THSD7A: variants seen among roughly 807,000 people sequenced by gnomAD.
The protein encoded by THSD7A is thrombospondin type 1 domain containing 7A.
A neutral mutation model predicts 231.3 loss-of-function variants in THSD7A; 96 were observed. That is an observed-to-expected ratio of 0.41 (90% CI 0.35 to 0.49). The LOEUF (loss-of-function observed/expected upper bound fraction) is 0.49, where lower values mean the gene tolerates loss of function less well. Ranked by LOEUF, THSD7A falls within the 20% of genes least tolerant of loss-of-function variation. The probability of loss-of-function intolerance (pLI) is 0.05; values close to 1 mark genes in which losing one functional copy is unlikely to be tolerated. For synonymous variants in THSD7A, 940 were observed against 743.3 expected, an observed-to-expected ratio of 1.26 and a Z score of -4.30; for missense variants, 2,290 against 2,070.2, an observed-to-expected ratio of 1.11 and a Z score of -2.06.
In THSD7A at chr7:11,473,497, G is replaced by A. The variant is rs138829354; in HGVS notation, c.2252+837C>T. 5.4e-4 allele frequency among the ~76,000 whole-genome samples: 82 copies of A among 152,152 alleles called. No individual in the cohort carries two copies. The South Asian group carries it at 8.7e-3, about 16-fold the overall frequency. ...CCACTTTTAAACCCATGCAAAAATC[G>A]ACTCATTTATCATTTCATATCTTAC... is the stretch of plus-strand genomic sequence containing the variant. On this transcript the variant is annotated intron_variant, in intron 8 of 27. Coordinates refer to ENST00000423059, the MANE Select transcript of THSD7A (RefSeq NM_015204.3).
At chr7:11,531,795 G>C (rs923051981) in intron 6 of THSD7A, among the ~76,000 whole-genome samples, 1 of 152,164 alleles carries the variant, frequency 6.6e-6, no homozygotes, top group African/African-American at 2.4e-5. Context: ...TGGCACTTCC[G>C]GGTATAGCTC....
At chr7:11,498,846 A>G (rs1235697431) in intron 6 of THSD7A, among the ~76,000 whole-genome samples, 1 of 152,110 alleles carries the variant, frequency 6.6e-6, no homozygotes, top group South Asian at 2.1e-4. Context: ...ATCCGAGGTG[A>G]CTAGGGACTG....
intron 2 of THSD7A, among the ~76,000 whole-genome samples, chr7:11,633,363 C>T (rs1484185270): frequency 6.6e-6 from 1 of 152,152 alleles, no homozygotes; most frequent in Non-Finnish European, 1.5e-5. Context: ...TTTAATCCCT[C>T]AGTCTGTCAA....
rs1786444994 is a variant in THSD7A at position 11,481,964 on chromosome 7, T to C, written c.1841A>G (p.Gln614Arg). The C allele has an allele frequency of 1.2e-6, 2 of 1,600,276 alleles. No individual in the cohort carries two copies. The highest frequency in any genetic ancestry group is 1.7e-6 in the Non-Finnish European group (2 of 1,172,322). Residue 614 changes from glutamine to arginine, a missense_variant, in exon 7 of 28, where the codon CAG becomes CGG. Transcript: ENST00000423059. ...GGGGAAGATGGCATCTCTGCACAGC[T>C]GTCTGTCAACTTCTTCTCCTGGGGA... ...INSDGEEVDR[Q>R]LCRDAIFPIP...
At chr7:11,600,409 C>A (rs1780509411) in intron 2 of THSD7A, among the ~76,000 whole-genome samples, 1 of 151,826 alleles carries the variant, frequency 6.6e-6, no homozygotes, top group African/African-American at 2.4e-5. Context: ...CTAAATATAC[C>A]TTTAATATTT....
In THSD7A at chr7:11,590,587, A is replaced by G. The variant is rs1168215358; in HGVS notation, c.1326T>C (p.Ser442=). The G allele has an allele frequency of 6.2e-7, 1 of 1,613,752 alleles. No individual in the cohort carries two copies. The change falls in exon 4 of 28, where the codon AGT becomes AGC. Residue 442 remains serine (S), a synonymous_variant. Coordinates refer to ENST00000423059, the MANE Select transcript of THSD7A (RefSeq NM_015204.3). This position sits in a 1 kb window ranked among gnomAD's most constrained non-coding sequence, Gnocchi z 4.4. The part of the protein sequence containing the change: ...WTECRVDPLL[S]QQDKRRGNQT... ...GGTTGCCGCGCCTCTTGTCCTGCTG[A>G]CTGAGCAAAGGGTCCACACGGCACT...
chr7:11,744,510 T>C (rs1157356790), intron 1 of THSD7A, among the ~76,000 whole-genome samples: 1 of 151,896 alleles, frequency 6.6e-6, no homozygotes, highest in Non-Finnish European at 1.5e-5. Flanking sequence ...GTTACATATG[T>C]ATACATGTGC....
rs1781721353 is a variant in THSD7A at position 11,731,231 on chromosome 7, T to C, written c.191-94270A>G. ...GTTGCCCTATTACAGACATTGATTA[T>C]TTTACTCTTTATTTTCTTAACTTTC... On this transcript the variant is annotated intron_variant, in intron 1 of 27. Transcript: ENST00000423059. Among the ~76,000 whole-genome samples, 3 of 151,560 alleles carry C rather than the reference T, an allele frequency of 2.0e-5. No individual in the cohort carries two copies. In the South Asian group the frequency reaches 6.2e-4, roughly 31 times the overall value.
At chr7:11,582,080 A>C (rs929939289) in intron 4 of THSD7A, among the ~76,000 whole-genome samples, 4 of 152,016 alleles carry the variant, frequency 2.6e-5, no homozygotes, top group African/African-American at 9.7e-5. Flanking sequence ...TTAAAGCTCC[A>C]ATTCTAGTCT....
intron 1 of THSD7A, among the ~76,000 whole-genome samples, chr7:11,638,769 T>G (rs909222552): frequency 1.3e-5 from 2 of 152,100 alleles, no homozygotes; most frequent in Admixed American, 1.3e-4. Context: ...TGAAACTTTA[T>G]GGGAGAAAGC....
intron 6 of THSD7A, among the ~76,000 whole-genome samples, chr7:11,505,124 C>A (rs1459142280): frequency 6.6e-6 from 1 of 152,076 alleles, no homozygotes; most frequent in Non-Finnish European, 1.5e-5. Context: ...TAGAAAAAGT[C>A]TTGAATTCAT....
At chr7:11,504,971 A>G (rs1429688445) in intron 6 of THSD7A, among the ~76,000 whole-genome samples, 2 of 152,162 alleles carry the variant, frequency 1.3e-5, no homozygotes, top group South Asian at 2.1e-4. Flanking sequence ...AAGGTATGTA[A>G]TATCTTTGTT....
At chr7:11,597,487 T>A (rs534779391) in intron 2 of THSD7A, among the ~76,000 whole-genome samples, 15 of 152,266 alleles carry the variant, frequency 9.9e-5, no homozygotes, top group Admixed American at 7.2e-4. Context: ...CGACCCCCCA[T>A]ATCCAATGGT....
chr7:11,481,512 CTT>C (rs922352323), intron 7 of THSD7A, among the ~76,000 whole-genome samples: 9 of 152,084 alleles, frequency 5.9e-5, no homozygotes, highest in African/African-American at 2.2e-4. Context: ...AGGCCTAACA[CTT>C]TGGTTTACAA....
intron 1 of THSD7A, among the ~76,000 whole-genome samples, chr7:11,829,713 T>C (rs1012978717): frequency 6.6e-6 from 1 of 152,146 alleles, no homozygotes; most frequent in African/African-American, 2.4e-5. Flanking sequence ...TCATTTATGG[T>C]ATATCTTTTT....
chr7:11,808,161 C>T (rs1438087733), intron 1 of THSD7A, among the ~76,000 whole-genome samples: 3 of 152,180 alleles, frequency 2.0e-5, no homozygotes, highest in East Asian at 1.9e-4. Context: ...AGACCACACA[C>T]ACACACACAC....
rs760714053 is a variant in THSD7A at position 11,636,163 on chromosome 7, C to A, written c.989G>T (p.Cys330Phe). 6.2e-7 allele frequency: 1 copy of A among 1,613,644 alleles called. No individual in the cohort carries two copies. Among genetic ancestry groups the A allele is most frequent in the Non-Finnish European group, 8.5e-7 (1 of 1,179,784 alleles). ...AGCAGCTTTCCCCGTCTTGTTAATGCACATAACCTCTCTGGTCTGATATCC... is the reference window on the plus strand; with the variant it reads ...AGCAGCTTTCCCCGTCTTGTTAATGAACATAACCTCTCTGGTCTGATATCC... ...QIGYQTREVM[C>F]INKTGKAADL... The change falls in exon 2 of 28, where the codon TGC becomes TTC. Residue 330 changes from cysteine to phenylalanine, a missense_variant. By Grantham distance (205) the Cys-to-Phe change is radical. Coordinates refer to ENST00000423059, the MANE Select transcript of THSD7A (RefSeq NM_015204.3). The surrounding 1 kb of genome is among the most constrained non-coding windows in gnomAD (Gnocchi z 10.0).
intron 1 of THSD7A, among the ~76,000 whole-genome samples, chr7:11,826,777 A>G (rs1482664707): frequency 6.8e-6 from 1 of 147,596 alleles, no homozygotes. Flanking sequence ...ATGCCACTGT[A>G]CTCCAGCCTG....
intron 9 of THSD7A, among the ~76,000 whole-genome samples, chr7:11,463,668 TG>T (rs1785589991): frequency 6.6e-6 from 1 of 152,116 alleles, no homozygotes; most frequent in Non-Finnish European, 1.5e-5. Context: ...AGTAGGGAAT[TG>T]GGGGCTAGAA....
Sources: allele counts gnomAD v4.1 joint callset (sites outside exome capture counted in the v4.1 genomes callset), GRCh38; gene constraint gnomAD v4.1.1; non-coding constraint Gnocchi (gnomAD v3.1); transcripts MANE v1.5; gene names NCBI Gene and HGNC (gene_info 2026-07-23, HGNC 2026-07-21).